The following NRXN1 variants were observed in gnomAD, a reference collection of about 807,000 sequenced individuals.
The protein encoded by NRXN1 is neurexin-1.
In NRXN1, 39 loss-of-function variants were observed where a neutral mutation model predicts 150.9. The observed-to-expected ratio is 0.26, with a 90% CI of 0.20 to 0.34. The LOEUF (loss-of-function observed/expected upper bound fraction) is 0.34. Among genes scored for constraint, NRXN1 ranks in the 10% least tolerant of loss-of-function variants. The pLI, the probability that NRXN1 is intolerant of heterozygous loss-of-function variation, is 1.00. For synonymous variants in NRXN1, 924 were observed against 757.0 expected (o/e 1.22, Z -3.62); for missense variants, 1,815 against 1,949.9 (o/e 0.93, Z 1.30).
intron 17 of NRXN1, among the ~76,000 whole-genome samples, chr2:50,364,264 T>A (rs74414935): frequency 0.019 from 2,888 of 152,158 alleles, 102 homozygotes; most frequent in African/African-American, 0.067. Context: ...AAACACCAGC[T>A]TAAATTGCAG....
At chr2:50,439,747 G>A (rs530552696) in intron 17 of NRXN1, among the ~76,000 whole-genome samples, 15 of 151,742 alleles carry the variant, frequency 9.9e-5, no homozygotes, top group African/African-American at 3.6e-4. Context: ...AACCTGGGAG[G>A]CAGAGCTTGC....
intron 8 of NRXN1, among the ~76,000 whole-genome samples, chr2:50,602,504 TCAC>T (rs1676440526): frequency 1.3e-5 from 2 of 152,104 alleles, no homozygotes; most frequent in African/African-American, 4.8e-5. Context: ...GAATCAACAA[TCAC>T]TTTCCAAAAA....
chr2:50,603,963 C>T (rs1676690418), intron 8 of NRXN1, among the ~76,000 whole-genome samples: 1 of 152,138 alleles, frequency 6.6e-6, no homozygotes, highest in African/African-American at 2.4e-5. Flanking sequence ...TGAAGCATAT[C>T]TGGTTTGATT....
At chr2:50,828,593 G>A (rs1184633461) in intron 5 of NRXN1, among the ~76,000 whole-genome samples, 3 of 151,712 alleles carry the variant, frequency 2.0e-5, no homozygotes, top group Non-Finnish European at 4.4e-5. Flanking sequence ...CCCAGACAGG[G>A]CGGTGGGGCA....
chr2:50,917,088 T>A (rs776159145), intron 5 of NRXN1: 1 of 151,636 alleles, frequency 6.6e-6, no homozygotes, highest in Non-Finnish European at 1.5e-5. Flanking sequence ...GGTCTGCGGC[T>A]GTGAGTTAAG....
At chr2:50,429,298 C>T (rs2084757264) in intron 17 of NRXN1, among the ~76,000 whole-genome samples, 1 of 152,012 alleles carries the variant, frequency 6.6e-6, no homozygotes. Context: ...ACTCTGTCAC[C>T]AAGGCTGGAG....
intron 21 of NRXN1, among the ~76,000 whole-genome samples, chr2:50,010,697 G>C (rs1685511836): frequency 6.6e-6 from 1 of 152,060 alleles, no homozygotes; most frequent in South Asian, 2.1e-4. Flanking sequence ...ACACAGCCCA[G>C]CTCCTCAAGA....
intron 18 of NRXN1, among the ~76,000 whole-genome samples, chr2:50,234,336 A>G (rs2065225396): frequency 6.6e-6 from 1 of 152,086 alleles, no homozygotes; most frequent in Non-Finnish European, 1.5e-5. Flanking sequence ...TCTACCGCAT[A>G]TACAAAAATT....
At chr2:50,979,362 C>T in intron 2 of NRXN1, 1 of 456,738 alleles carries the variant, frequency 2.2e-6, no homozygotes, top group Non-Finnish European at 4.3e-6. Flanking sequence ...CCTTGTTTAA[C>T]AAATACCTTG....
chr2:50,477,378 G>A (rs546872492), intron 15 of NRXN1, among the ~76,000 whole-genome samples: 3 of 152,318 alleles, frequency 2.0e-5, no homozygotes, highest in African/African-American at 7.2e-5. Flanking sequence ...TCATGTATGT[G>A]GAATTTGAGT....
intron 19 of NRXN1, among the ~76,000 whole-genome samples, chr2:50,059,606 C>A (rs1694186448): frequency 6.6e-6 from 1 of 152,178 alleles, no homozygotes; most frequent in Admixed American, 6.5e-5. Flanking sequence ...GCATGTCAGA[C>A]ATCTTCACAA....
At chr2:50,191,173 C>T (rs2061417915) in intron 18 of NRXN1, among the ~76,000 whole-genome samples, 1 of 150,888 alleles carries the variant, frequency 6.6e-6, no homozygotes, top group African/African-American at 2.4e-5. Flanking sequence ...GGATTACAGG[C>T]ACATGCCATC....
intron 21 of NRXN1, among the ~76,000 whole-genome samples, chr2:49,999,020 G>C (rs1249076180): frequency 1.4e-5 from 2 of 141,820 alleles, no homozygotes; most frequent in African/African-American, 2.6e-5. Flanking sequence ...TCGTACTTTA[G>C]TGTACTACAA....
chr2:50,962,090 C>T (rs1693288713), intron 2 of NRXN1, among the ~76,000 whole-genome samples: 1 of 139,774 alleles, frequency 7.2e-6, no homozygotes, highest in South Asian at 2.2e-4. Context: ...GATTCTGAGA[C>T]TGCTGCTGAC....
intron 21 of NRXN1, among the ~76,000 whole-genome samples, chr2:49,956,088 G>A (rs1405112106): frequency 2.0e-5 from 3 of 152,008 alleles, no homozygotes; most frequent in African/African-American, 7.3e-5. Flanking sequence ...TATATTCAAG[G>A]TTGCATCCCC....
chr2:50,370,239 C>T (rs139308481), intron 17 of NRXN1, among the ~76,000 whole-genome samples: 66 of 152,108 alleles, frequency 4.3e-4, no homozygotes, highest in African/African-American at 1.3e-3. Context: ...ATTTTGTCAG[C>T]AGGTGTTTTT....
At chr2:49,929,710 C>T (rs1202997228) in intron 22 of NRXN1, among the ~76,000 whole-genome samples, 1 of 152,092 alleles carries the variant, frequency 6.6e-6, no homozygotes, top group African/African-American at 2.4e-5. Context: ...CTCAAATGTC[C>T]CATCTTTTAT....
At chr2:50,904,656 G>A (rs1007585413) in intron 5 of NRXN1, among the ~76,000 whole-genome samples, 10 of 150,746 alleles carry the variant, frequency 6.6e-5, no homozygotes, top group African/African-American at 2.4e-4. Flanking sequence ...TGCATTAAAT[G>A]ATCAGACCTT....
chr2:50,825,689 C>G (rs966119404), intron 5 of NRXN1, among the ~76,000 whole-genome samples: 3 of 152,206 alleles, frequency 2.0e-5, no homozygotes, highest in Non-Finnish European at 4.4e-5. Flanking sequence ...TCCCTGACTT[C>G]TGTGAGCTGC....
Sources: allele counts gnomAD v4.1 joint callset (sites outside exome capture counted in the v4.1 genomes callset), GRCh38; gene constraint gnomAD v4.1.1; transcripts MANE v1.5; gene names NCBI Gene and HGNC (gene_info 2026-07-23, HGNC 2026-07-21).